ACSBG2: variants seen among roughly 807,000 people sequenced by gnomAD.
ACSBG2 encodes acyl-CoA synthetase bubblegum family member 2, also known as long-chain-fatty-acid--CoA ligase ACSBG2.
ACSBG2 carries 62 observed loss-of-function variants against 74.7 expected under a neutral mutation model. The ratio of observed to expected loss-of-function variants is 0.83; its 90% CI spans 0.68 to 1.03. The LOEUF (loss-of-function observed/expected upper bound fraction) is 1.03, where lower values mean the gene tolerates loss of function less well. Among genes scored for constraint, ACSBG2 ranks in the 50% least tolerant of loss-of-function variants. The pLI is 0.00. For missense variants in ACSBG2, 730 were observed against 817.6 expected, an observed-to-expected ratio of 0.89 and a Z score of 1.31; for synonymous variants, 309 against 294.1, an observed-to-expected ratio of 1.05 and a Z score of -0.52.
intron 1 of ACSBG2, among the ~76,000 whole-genome samples, chr19:6,138,580 AAGGAAAG>A (rs1411946007): frequency 1.8e-5 from 2 of 109,396 alleles, no homozygotes; most frequent in Non-Finnish European, 3.7e-5. Context: ...GGAGGGAGGG[AAGGAAAG>A]AGGGAAGAGA....
intron 3 of ACSBG2, 117 bp from the exon 4 acceptor site, chr19:6,151,588 GGT>G (rs1217890654): frequency 1.1e-6 from 1 of 932,170 alleles, no homozygotes; most frequent in Non-Finnish European, 1.7e-6. Context: ...TAGGATTACA[GGT>G]GTGAGCCACT....
chr19:6,147,386 C>G, intron 2 of ACSBG2, 60 bp from the exon 3 acceptor site: 3 of 1,436,836 alleles, frequency 2.1e-6, no homozygotes, highest in Non-Finnish European at 2.9e-6. Context: ...AACCGCCCCC[C>G]GTCCAAAGTT....
At chr19:6,157,881 GTTCTC>G (rs561441675) in intron 5 of ACSBG2, among the ~76,000 whole-genome samples, 53 of 151,732 alleles carry the variant, frequency 3.5e-4, no homozygotes, top group African/African-American at 1.2e-3. Flanking sequence ...TGCTTTTGTT[GTTCTC>G]TTCTATTTCT....
intron 4 of ACSBG2, among the ~76,000 whole-genome samples, chr19:6,152,279 A>ATTTTTTTTT (rs71172791): frequency 2.9e-5 from 2 of 68,474 alleles, no homozygotes; most frequent in East Asian, 3.9e-4. Context: ...CACCCAGCTA[A>ATTTTTTTTT]TTTTTTTTTT....
At chr19:6,166,067 T>G (rs1445835437) in intron 7 of ACSBG2, 52 bp downstream of exon 7, 1 of 1,606,780 alleles carries the variant, frequency 6.2e-7, no homozygotes, top group African/African-American at 1.3e-5. Flanking sequence ...CTGTTTCTCT[T>G]GTTGGCTTCC....
rs1270417133 is a variant in ACSBG2, at chr19:6,190,501, G to A, written c.1928-83G>A. On this transcript the variant is annotated intron_variant, in intron 13 of 14. Coordinates refer to ENST00000588485, the MANE Select transcript of ACSBG2 (RefSeq NM_030924.5). ...AGCCACCCAGCCTAGCCCCAGGCAT[G>A]GGACTCTGTTGCCTGGTCATGCATG... is the stretch of plus-strand genomic sequence containing the variant. The A allele has an allele frequency of 7.5e-6, 9 of 1,206,022 alleles. No homozygotes were observed. The African/African-American group carries it at 1.2e-4, about 16-fold the overall frequency. The allele number at this position is 1,206,022 out of a possible 1,614,324, so 74.7% of individuals were successfully genotyped here.
intron 2 of ACSBG2, among the ~76,000 whole-genome samples, chr19:6,142,256 G>A (rs1316707211): frequency 6.6e-6 from 1 of 152,166 alleles, no homozygotes; most frequent in Non-Finnish European, 1.5e-5. Context: ...TAGATAGGGT[G>A]CGGATATGAT....
intron 5 of ACSBG2, among the ~76,000 whole-genome samples, chr19:6,159,348 C>T (rs552616021): frequency 6.0e-5 from 9 of 150,938 alleles, no homozygotes; most frequent in African/African-American, 2.2e-4. Context: ...GGGGTGGGTG[C>T]TGGTGGGTGG....
At chr19:6,158,107 G>T (rs531284365) in intron 5 of ACSBG2, among the ~76,000 whole-genome samples, 8 of 148,852 alleles carry the variant, frequency 5.4e-5, no homozygotes, top group African/African-American at 1.5e-4. Context: ...CCAGGTTGGA[G>T]TGCAGTGGCA....
rs111980582 is a variant in ACSBG2 at position 6,185,314 on chromosome 19, G to A, written c.1323-122G>A. 30 of 889,126 alleles carry A rather than the reference G, an allele frequency of 3.4e-5. 1 individual carries two copies. The highest frequency in any genetic ancestry group is 3.5e-4 in the Middle Eastern group (1 of 2,824). The allele number at this position is 889,126 out of a possible 1,614,324, so 55.1% of individuals were successfully genotyped here. A position where few individuals can be genotyped will look rare whatever the true frequency, so the allele number is the denominator to read the frequency against. On this transcript the variant is annotated intron_variant, in intron 10 of 14. Coordinates refer to ENST00000588485, the MANE Select transcript of ACSBG2 (RefSeq NM_030924.5). ...GCAAACACCTCCTTCTGTGCGCTGG[G>A]GTGCATATCCAGCCTGCTCTAGCTG...
chr19:6,187,727 C>A lies in ACSBG2; in HGVS notation c.1809C>A (p.Val603=). 1 of 1,614,104 alleles carries A rather than the reference C, an allele frequency of 6.2e-7. No homozygotes were observed. The highest frequency in any genetic ancestry group is 8.5e-7 in the Non-Finnish European group (1 of 1,180,016). ...TTGTGAAGCAGCAAGACCCCCTGGT[C>A]TACAAGGCCATCCAGCAAGGCATCA... The part of the protein sequence containing the change: ...TEIVKQQDPL[V]YKAIQQGINA... Residue 603 remains valine, a synonymous_variant, in exon 13 of 15, where the codon GTC becomes GTA. Transcript: ENST00000588485.
Position 6,183,068 on chromosome 19 carries a change from T to G in ACSBG2, c.1118T>G (p.Met373Arg). 6.2e-7 allele frequency: 1 copy of G among 1,614,208 alleles called. No individual in the cohort carries two copies. ...TATAATACTCCCGTGAGCTACCGCA[T>G]GGCTAAGACTCTCGTGTTCAGCAAA... ...GKYNTPVSYR[M>R]AKTLVFSKVK... Residue 373 changes from methionine (M) to arginine (R), a missense_variant, in exon 10 of 15, where the codon ATG (methionine) becomes AGG (arginine). Coordinates refer to ENST00000588485, the MANE Select transcript of ACSBG2 (RefSeq NM_030924.5).
At chr19:6,148,535 A>T (rs907043375) in intron 3 of ACSBG2, among the ~76,000 whole-genome samples, 13 of 151,986 alleles carry the variant, frequency 8.6e-5, no homozygotes, top group Admixed American at 3.3e-4. Flanking sequence ...AGTCCCAGCT[A>T]TCAGGAGGCT....
At chr19:6,143,405 A>T (rs1435623519) in intron 2 of ACSBG2, among the ~76,000 whole-genome samples, 1 of 152,032 alleles carries the variant, frequency 6.6e-6, no homozygotes, top group Non-Finnish European at 1.5e-5. Flanking sequence ...AACAAAAACA[A>T]AAACAAAAAC....
intron 7 of ACSBG2, chr19:6,175,948 T>C (rs563316648): frequency 6.1e-6 from 1 of 164,752 alleles, no homozygotes; most frequent in South Asian, 2.0e-4. Context: ...TTTAAGGAAA[T>C]AGCCCAAATG....
At chr19:6,151,128 A>T (rs1031024115) in intron 3 of ACSBG2, among the ~76,000 whole-genome samples, 1 of 151,924 alleles carries the variant, frequency 6.6e-6, no homozygotes, top group Non-Finnish European at 1.5e-5. Context: ...AAAAAAAAAA[A>T]AGAAAATGGT....
In ACSBG2 at chr19:6,183,024, C is replaced by CT; in HGVS notation, c.1089-15_1089-14insT. The stretch of plus-strand genomic sequence containing the variant: ...CCATCAGCCCTTCTCCACTTGACGG[C>CT]ATTCTTATTCACAGGAAATATAATA... On this transcript the variant is annotated splice_polypyrimidine_tract_variant and intron_variant, in intron 9 of 14. Transcript: ENST00000588485. 1 of 1,613,736 alleles carries CT rather than the reference C, an allele frequency of 6.2e-7. No homozygotes were observed. The highest frequency in any genetic ancestry group is 8.5e-7 in the Non-Finnish European group (1 of 1,179,676).
chr19:6,162,566 C>CAAAAAAAAA (rs58138677), intron 6 of ACSBG2, among the ~76,000 whole-genome samples: 1 of 84,202 alleles, frequency 1.2e-5, no homozygotes. Context: ...GACTCCGTCT[C>CAAAAAAAAA]AAAAAAAAAA....
chr19:6,150,340 CAAA>C (rs780596761), intron 3 of ACSBG2, among the ~76,000 whole-genome samples: 1 of 68,382 alleles, frequency 1.5e-5, no homozygotes. Flanking sequence ...GGATATTTAA[CAAA>C]AAAAAAAAAA....
Sources: gnomAD v4.1 joint callset for allele counts (sites outside exome capture counted in the v4.1 genomes callset) on GRCh38, gnomAD v4.1.1 for gene constraint, MANE v1.5 for transcripts, NCBI Gene and HGNC (gene_info 2026-07-23, HGNC 2026-07-21) for gene names.